The following NRXN1 variants were observed in gnomAD, a reference collection of about 807,000 sequenced individuals.
NRXN1 encodes neurexin 1.
NRXN1 carries 39 observed loss-of-function variants against 150.9 expected under a neutral mutation model. The observed-to-expected ratio is 0.26, with a 90% CI of 0.20 to 0.34. The LOEUF (loss-of-function observed/expected upper bound fraction) is 0.34, where lower values mean the gene tolerates loss of function less well. Among genes scored for constraint, NRXN1 ranks in the 10% least tolerant of loss-of-function variants. The pLI is 1.00. For synonymous variants in NRXN1, 924 were observed against 757.0 expected, an observed-to-expected ratio of 1.22 and a Z score of -3.62; for missense variants, 1,815 against 1,949.9, an observed-to-expected ratio of 0.93 and a Z score of 1.30.
intron 18 of NRXN1, chr2:50,174,925 C>T (rs758710158): frequency 3.3e-5 from 5 of 152,156 alleles, no homozygotes; most frequent in Non-Finnish European, 7.4e-5. Flanking sequence ...TTAGCTCAAG[C>T]GTAGCATGCT....
chr2:50,641,106 C>T (rs1189593409), intron 5 of NRXN1, among the ~76,000 whole-genome samples: 1 of 152,100 alleles, frequency 6.6e-6, no homozygotes, highest in Non-Finnish European at 1.5e-5. Context: ...AACGTCTAAG[C>T]TGCTTTTCCT....
At chr2:50,491,781 CT>C (rs901472964) in intron 15 of NRXN1, among the ~76,000 whole-genome samples, 23 of 152,250 alleles carry the variant, frequency 1.5e-4, no homozygotes, top group African/African-American at 5.1e-4. Flanking sequence ...AATTTTCCCC[CT>C]ATCAAGTAAA....
intron 5 of NRXN1, among the ~76,000 whole-genome samples, chr2:50,846,165 G>A (rs771343625): frequency 3.9e-5 from 6 of 151,960 alleles, no homozygotes; most frequent in Non-Finnish European, 8.8e-5. Flanking sequence ...CATTTTTTCT[G>A]AACCACGGGT....
At position 50,161,722 on chromosome 2, in the gene NRXN1, T is replaced by C. The variant is rs529216278; in HGVS notation, c.3547-70228A>G. ...TATTCACTGTTGCATAATATTATTA[T>C]CTGTTGATCTTCCCAGTAGATAATA... On this transcript the variant is annotated intron_variant, in intron 18 of 22. Transcript: ENST00000401669. 4.6e-5 allele frequency among the ~76,000 whole-genome samples: 7 copies of C among 152,238 alleles called. 1 individual carries two copies. Among genetic ancestry groups the C allele is most frequent in the African/African-American group, 1.4e-4 (6 of 41,544 alleles).
intron 18 of NRXN1, among the ~76,000 whole-genome samples, chr2:50,119,040 G>A (rs904121910): frequency 6.6e-6 from 1 of 151,326 alleles, no homozygotes; most frequent in Non-Finnish European, 1.5e-5. Context: ...ACATTGGCCA[G>A]TAGACTAGAA....
intron 2 of NRXN1, among the ~76,000 whole-genome samples, chr2:50,947,965 T>C (rs910158807): frequency 2.6e-5 from 4 of 152,124 alleles, no homozygotes; most frequent in African/African-American, 2.4e-5. Flanking sequence ...CCATATTCCA[T>C]TGCCATTTAT....
chr2:50,944,306 T>C (rs963379977), intron 2 of NRXN1, among the ~76,000 whole-genome samples: 1 of 152,180 alleles, frequency 6.6e-6, no homozygotes, highest in Non-Finnish European at 1.5e-5. Context: ...AATTCACAGC[T>C]AAGCAGGAAA....
At position 49,928,807 on chromosome 2, in the gene NRXN1, T is replaced by C. The variant is rs990536841; in HGVS notation, c.4217-6556A>G. ...AATTTCGACTCATGCGGTGGTTTTGTAAGAAGTGAGGGATGCTGACTGTTT... is the reference window on the plus strand; with the variant it reads ...AATTTCGACTCATGCGGTGGTTTTGCAAGAAGTGAGGGATGCTGACTGTTT... On this transcript the variant is annotated intron_variant, in intron 22 of 22. Transcript: ENST00000401669. Among the ~76,000 whole-genome samples the C allele has an allele frequency of 1.1e-4, 17 of 152,240 alleles. No individual in the cohort carries two copies. The East Asian group carries it at 2.1e-3, about 19-fold the overall frequency.
At chr2:50,744,393 A>G (rs1699776550) in intron 5 of NRXN1, among the ~76,000 whole-genome samples, 1 of 152,120 alleles carries the variant, frequency 6.6e-6, no homozygotes, top group South Asian at 2.1e-4. Flanking sequence ...ATGTAAGAAA[A>G]TATTTTCTCT....
chr2:50,709,782 A>T (rs1694912588), intron 5 of NRXN1, among the ~76,000 whole-genome samples: 1 of 152,158 alleles, frequency 6.6e-6, no homozygotes. Flanking sequence ...CAAGTCTAAA[A>T]TGTTAGAACT....
At chr2:50,365,373 A>C (rs773017805) in intron 17 of NRXN1, among the ~76,000 whole-genome samples, 9 of 151,980 alleles carry the variant, frequency 5.9e-5, no homozygotes, top group Admixed American at 2.0e-4. Context: ...AATAAAACCT[A>C]CTCTTAAATA....
chr2:50,371,838 A>G (rs1250171160), intron 17 of NRXN1, among the ~76,000 whole-genome samples: 1 of 152,068 alleles, frequency 6.6e-6, no homozygotes, highest in East Asian at 1.9e-4. Flanking sequence ...GCTTACAGCC[A>G]ATAAATGGAT....
chr2:50,619,825 A>C (rs1264461941), intron 8 of NRXN1, 197 bp downstream of exon 8: 3 of 447,516 alleles, frequency 6.7e-6, no homozygotes, highest in Non-Finnish European at 1.2e-5. Context: ...CTAATAAAGA[A>C]GAGGAACCTA....
At chr2:50,252,527 G>A (rs1248712593) in intron 17 of NRXN1, among the ~76,000 whole-genome samples, 2 of 151,976 alleles carry the variant, frequency 1.3e-5, no homozygotes, top group Non-Finnish European at 2.9e-5. Flanking sequence ...CCAAAGTGCT[G>A]AGATTACAGG....
chr2:50,035,420 C>T (rs2152571711), intron 21 of NRXN1, among the ~76,000 whole-genome samples: 1 of 152,138 alleles, frequency 6.6e-6, no homozygotes, highest in East Asian at 1.9e-4. Flanking sequence ...AACAAAAAAA[C>T]TCTCAAAAAC....
intron 5 of NRXN1, among the ~76,000 whole-genome samples, chr2:50,861,744 G>C (rs1318894813): frequency 6.6e-6 from 1 of 151,994 alleles, no homozygotes; most frequent in African/African-American, 2.4e-5. Flanking sequence ...GTCCCAGGTG[G>C]TTCATCTTGA....
At chr2:50,128,983 C>CAATAAATAAATAAATA (rs1553641018) in intron 18 of NRXN1, among the ~76,000 whole-genome samples, 77 of 146,898 alleles carry the variant, frequency 5.2e-4, no homozygotes, top group African/African-American at 1.8e-3. Flanking sequence ...GACTCCATCT[C>CAATAAATAAATAAATA]AATAAATAAA....
chr2:50,497,451 AGG>A lies in NRXN1; in HGVS notation c.2759_2760del (p.Thr920IlefsTer25), dbSNP rs749627587. On this transcript the variant is annotated frameshift_variant, in exon 14 of 23. Transcript: ENST00000401669. LOFTEE classifies it high-confidence loss of function. ...AGATGCATAGAAGTGTAGGCTTGCAAGGTAGCTAAGGCAACATAGCTCGATTT... is the reference window on the plus strand; with the variant it reads ...AGATGCATAGAAGTGTAGGCTTGCAATAGCTAAGGCAACATAGCTCGATTT... ...KTKSSYVALA[T>X]LQAYTSMHLF... The A allele has an allele frequency of 6.2e-7, 1 of 1,613,822 alleles. No individual in the cohort carries two copies. The highest frequency in any genetic ancestry group is 8.5e-7 in the Non-Finnish European group (1 of 1,179,794).
At chr2:50,700,772 G>C (rs1356292601) in intron 5 of NRXN1, among the ~76,000 whole-genome samples, 1 of 151,572 alleles carries the variant, frequency 6.6e-6, no homozygotes, top group Non-Finnish European at 1.5e-5. Context: ...TTGATACCTA[G>C]ACCAATAGAT....
Sources: allele counts gnomAD v4.1 joint callset (sites outside exome capture counted in the v4.1 genomes callset), GRCh38; gene constraint gnomAD v4.1.1; transcripts MANE v1.5; gene names NCBI Gene and HGNC (gene_info 2026-07-23, HGNC 2026-07-21).